The following ATP10B variants were observed in gnomAD, a reference collection of about 807,000 sequenced individuals.
ATP10B encodes the protein phospholipid-transporting ATPase VB.
In ATP10B, 122 loss-of-function variants were observed where a neutral mutation model predicts 141.2. The ratio of observed to expected loss-of-function variants is 0.86; its 90% CI spans 0.75 to 1.00. The LOEUF (loss-of-function observed/expected upper bound fraction) is 1.00. Among genes scored for constraint, ATP10B ranks in the 50% least tolerant of loss-of-function variants. The pLI is 0.00. For missense variants in ATP10B, 1,876 were observed against 1,825.3 expected, an observed-to-expected ratio of 1.03 and a Z score of -0.51; for synonymous variants, 685 against 692.0, an observed-to-expected ratio of 0.99 and a Z score of 0.16.
intron 6 of ATP10B, among the ~76,000 whole-genome samples, chr5:160,674,588 G>A (rs1762913264): frequency 2.6e-5 from 4 of 152,202 alleles, no homozygotes; most frequent in Middle Eastern, 3.4e-3. Flanking sequence ...CCTTAGGATC[G>A]CATGCAGTGG....
the ATP10B span, among the ~76,000 whole-genome samples, chr5:160,858,687 T>C: frequency 6.6e-6 from 1 of 151,920 alleles, no homozygotes; most frequent in Non-Finnish European, 1.5e-5. Context: ...TGTGGTTGTT[T>C]GAACAGTTTT....
the ATP10B span, among the ~76,000 whole-genome samples, chr5:160,886,067 T>G: frequency 2.0e-5 from 3 of 152,178 alleles, no homozygotes; most frequent in Admixed American, 2.0e-4. Flanking sequence ...CCATGAATGT[T>G]TGAGCACCTA....
intron 22 of ATP10B, among the ~76,000 whole-genome samples, chr5:160,595,059 G>A (rs1756581519): frequency 8.9e-6 from 1 of 112,574 alleles, no homozygotes; most frequent in Admixed American, 9.0e-5. Flanking sequence ...GACATCTACA[G>A]GTCTCTCCAC....
intron 2 of ATP10B, among the ~76,000 whole-genome samples, chr5:160,763,291 A>C (rs1234020331): frequency 6.6e-6 from 1 of 152,190 alleles, no homozygotes; most frequent in Non-Finnish European, 1.5e-5. Context: ...AACATTCTCC[A>C]AGATAGACCA....
the ATP10B span, among the ~76,000 whole-genome samples, chr5:160,897,977 T>G: frequency 3.3e-5 from 5 of 152,334 alleles, no homozygotes; most frequent in East Asian, 9.6e-4. Context: ...TTGGGCAAAC[T>G]GACTAGCCAT....
At chr5:160,921,549 G>T in the ATP10B span, among the ~76,000 whole-genome samples, 1 of 152,286 alleles carries the variant, frequency 6.6e-6, no homozygotes, top group Non-Finnish European at 1.5e-5. Flanking sequence ...CAGAACCAGA[G>T]CTTTCCGCAA....
intron 2 of ATP10B, among the ~76,000 whole-genome samples, chr5:160,721,094 C>T (rs1441151359): frequency 6.6e-6 from 1 of 152,018 alleles, no homozygotes; most frequent in African/African-American, 2.4e-5. Flanking sequence ...GGAAAGTTGC[C>T]ATCTGGGCCT....
intron 2 of ATP10B, among the ~76,000 whole-genome samples, chr5:160,771,397 T>C (rs1326007489): frequency 1.3e-5 from 2 of 152,194 alleles, no homozygotes; most frequent in Non-Finnish European, 2.9e-5. Flanking sequence ...GTCTTGGGTG[T>C]CCCACATATA....
At chr5:160,844,398 C>G (rs905312864) in intron 1 of ATP10B, among the ~76,000 whole-genome samples, 1 of 152,102 alleles carries the variant, frequency 6.6e-6, no homozygotes, top group Non-Finnish European at 1.5e-5. Flanking sequence ...TTCCATGAAG[C>G]AACAAAAATG....
chr5:160,753,482 T>C (rs12653582), intron 2 of ATP10B, among the ~76,000 whole-genome samples: 10,948 of 152,220 alleles, frequency 0.072, 368 homozygotes, highest in Middle Eastern at 0.093. Flanking sequence ...CAATCTCACA[T>C]TAGTTATTAT....
At chr5:160,613,109 A>G (rs1034960913) in intron 17 of ATP10B, among the ~76,000 whole-genome samples, 184 bp from the exon 18 acceptor site, 1 of 152,210 alleles carries the variant, frequency 6.6e-6, no homozygotes, top group Non-Finnish European at 1.5e-5. Flanking sequence ...TGGTCATTGA[A>G]TAAGAATTTA....
At chr5:160,797,734 T>TGCACAA (rs1772052075) in intron 1 of ATP10B, among the ~76,000 whole-genome samples, 1 of 133,700 alleles carries the variant, frequency 7.5e-6, no homozygotes, top group African/African-American at 2.8e-5. Context: ...GCTAAGAAAA[T>TGCACAA]GCACAAACAC....
chr5:160,580,275 A>C (rs900235063), intron 24 of ATP10B, among the ~76,000 whole-genome samples: 10 of 152,188 alleles, frequency 6.6e-5, no homozygotes, highest in African/African-American at 2.4e-4. Context: ...GCTTTTGCCC[A>C]TTCAGTATGA....
chr5:160,821,511 AT>A (rs983553190), intron 1 of ATP10B, among the ~76,000 whole-genome samples: 2 of 152,110 alleles, frequency 1.3e-5, no homozygotes, highest in African/African-American at 4.8e-5. Context: ...ATATAAAAAA[AT>A]CTTAAAATTT....
At chr5:160,891,026 TG>T in the ATP10B span, among the ~76,000 whole-genome samples, 397 of 152,290 alleles carry the variant, frequency 2.6e-3, no homozygotes, top group South Asian at 0.019. Flanking sequence ...TGTGTATGTA[TG>T]TGCGTTTGAA....
chr5:160,693,377 G>C (rs931142406), intron 3 of ATP10B, among the ~76,000 whole-genome samples: 8 of 146,942 alleles, frequency 5.4e-5, no homozygotes, highest in African/African-American at 2.0e-4. Flanking sequence ...TAGAGGTAAA[G>C]GGCAAGATGT....
the ATP10B span, among the ~76,000 whole-genome samples, chr5:160,894,751 C>T: frequency 1.9e-3 from 285 of 152,136 alleles, 1 homozygote; most frequent in African/African-American, 6.5e-3. Context: ...TGCATAATCG[C>T]CAGATTCACC....
At chr5:160,813,359 C>G (rs980221455) in intron 1 of ATP10B, among the ~76,000 whole-genome samples, 1 of 152,102 alleles carries the variant, frequency 6.6e-6, no homozygotes, top group Non-Finnish European at 1.5e-5. Context: ...CTTGGAGGGT[C>G]CTACGCCCAC....
intron 2 of ATP10B, among the ~76,000 whole-genome samples, chr5:160,743,589 A>C (rs1767621632): frequency 1.3e-5 from 2 of 152,350 alleles, no homozygotes; most frequent in Admixed American, 6.5e-5. Flanking sequence ...CAAGTGGCCA[A>C]GAGCAAGTGG....
Sources: allele counts gnomAD v4.1 joint callset (sites outside exome capture counted in the v4.1 genomes callset), GRCh38; gene constraint gnomAD v4.1.1; transcripts MANE v1.5; gene names NCBI Gene and HGNC (gene_info 2026-07-23, HGNC 2026-07-21).